ADCY5: variants seen among roughly 807,000 people sequenced by gnomAD.
ADCY5 encodes the protein adenylate cyclase 5, also known as adenylate cyclase type 5.
Under a neutral mutation model 119.7 loss-of-function variants are expected in ADCY5, and 30 were observed. That is an observed-to-expected ratio of 0.25 (90% CI 0.19 to 0.34). The LOEUF is 0.34. Ranked by LOEUF, ADCY5 falls within the 10% of genes least tolerant of loss-of-function variation. The pLI is 1.00. For missense variants in ADCY5, 1,324 were observed against 1,775.2 expected (o/e 0.75, Z 4.57); for synonymous variants, 753 against 762.2 (o/e 0.99, Z 0.20).
At chr3:123,376,926 G>C (rs1307480630) in intron 1 of ADCY5, among the ~76,000 whole-genome samples, 1 of 152,214 alleles carries the variant, frequency 6.6e-6, no homozygotes, top group East Asian at 1.9e-4. Context: ...TCCCCTGGGG[G>C]AAGCTGCATC....
intron 1 of ADCY5, among the ~76,000 whole-genome samples, chr3:123,415,607 C>T (rs1231530836): frequency 8.5e-5 from 13 of 152,166 alleles, no homozygotes; most frequent in Non-Finnish European, 2.9e-5. Flanking sequence ...TGTCCCACAG[C>T]GCCTCTGTGG....
At chr3:123,375,329 C>A (rs905241067) in intron 1 of ADCY5, among the ~76,000 whole-genome samples, 1 of 152,228 alleles carries the variant, frequency 6.6e-6, no homozygotes, top group East Asian at 1.9e-4. Context: ...CCTCAGTGGA[C>A]GACAAACAGA....
intron 1 of ADCY5, among the ~76,000 whole-genome samples, chr3:123,370,103 A>G (rs1943582266): frequency 6.6e-6 from 1 of 152,142 alleles, no homozygotes. Context: ...CTCAACCATT[A>G]TGATAGAAGA....
At chr3:123,324,687 T>C (rs1941388396) in intron 8 of ADCY5, among the ~76,000 whole-genome samples, 1 of 152,156 alleles carries the variant, frequency 6.6e-6, no homozygotes, top group Non-Finnish European at 1.5e-5. Context: ...ACATCCTGAA[T>C]TCACCTGTCC....
chr3:123,416,838 G>T (rs1187911800), intron 1 of ADCY5, among the ~76,000 whole-genome samples: 2 of 152,082 alleles, frequency 1.3e-5, no homozygotes, highest in African/African-American at 4.8e-5. Context: ...CTTGAGGGAG[G>T]TAATTAGGCT....
At chr3:123,438,292 A>G (rs191342396) in intron 1 of ADCY5, among the ~76,000 whole-genome samples, 87 of 152,250 alleles carry the variant, frequency 5.7e-4, no homozygotes, top group Non-Finnish European at 1.2e-3. Context: ...TACATATTAA[A>G]AGCTTTAATG....
At chr3:123,423,596 C>T (rs1945345769) in intron 1 of ADCY5, among the ~76,000 whole-genome samples, 2 of 152,160 alleles carry the variant, frequency 1.3e-5, no homozygotes. Context: ...AGTTCCCAAT[C>T]TGCTGAGGAC....
intron 3 of ADCY5, among the ~76,000 whole-genome samples, chr3:123,338,991 A>G (rs985190133): frequency 1.3e-5 from 2 of 152,136 alleles, no homozygotes; most frequent in Non-Finnish European, 1.5e-5. Flanking sequence ...AGCTCCTCTG[A>G]TCTCCTGCAG....
chr3:123,382,750 G>T (rs76267273), intron 1 of ADCY5, among the ~76,000 whole-genome samples: 1 of 152,124 alleles, frequency 6.6e-6, no homozygotes, highest in Non-Finnish European at 1.5e-5. Flanking sequence ...ACCAAAGGCT[G>T]GGGGGAGGAA....
Position 123,283,597 on chromosome 3 carries a change from A to C in ADCY5, c.*1011T>G, listed in dbSNP as rs2108139859. On this transcript the variant is annotated 3_prime_UTR_variant, in exon 21 of 21. Transcript: ENST00000462833. ...CACTGCTCTGGTGGTACCTTGGAAA[A>C]CCCAAAACTGCCAAATCTGAAATGA... is the stretch of plus-strand genomic sequence containing the variant. 1 of 152,064 alleles carries C rather than the reference A, an allele frequency of 6.6e-6. No individual in the cohort carries two copies. Among genetic ancestry groups the C allele is most frequent in the South Asian group, 2.1e-4 (1 of 4,802 alleles). The allele number at this position is 152,064 out of a possible 1,614,324, so 9.4% of individuals were successfully genotyped here.
At chr3:123,424,767 C>T (rs554237938) in intron 1 of ADCY5, among the ~76,000 whole-genome samples, 55 of 151,936 alleles carry the variant, frequency 3.6e-4, no homozygotes, top group African/African-American at 1.3e-3. Flanking sequence ...TGTGTGTGTG[C>T]GCGCATGCAC....
rs1559883416 is a variant in ADCY5, at chr3:123,448,407, C to CG, written c.138dup (p.Gly47ArgfsTer40). On this transcript the variant is annotated frameshift_variant, in exon 1 of 21. Transcript: ENST00000462833. LOFTEE classifies it high-confidence loss of function. ...TTGGTGGAGCCGCGGGCAGAGCCCC[C>CG]GGGGGCATGGGGGTAGCCATTCGCG... is the stretch of plus-strand genomic sequence containing the variant. 1.4e-6 allele frequency: 2 copies of CG among 1,414,990 alleles called. No individual in the cohort carries two copies. The highest frequency in any genetic ancestry group is 3.0e-5 in the East Asian group (1 of 33,030). 87.7% of individuals were successfully genotyped at this position (1,414,990 alleles called of 1,614,324 possible). A position where few individuals can be genotyped will look rare whatever the true frequency, so the allele number is the denominator to read the frequency against.
chr3:123,331,070 G>A lies in ADCY5; in HGVS notation c.1519-54C>T, dbSNP rs1941741156. ...AAAATAGTAGGAAAGAGAAGTGGGA[G>A]GGAAAGAAACGAGAAGCAAAAAGAT... On this transcript the variant is annotated intron_variant, in intron 4 of 20. Transcript: ENST00000462833. 1.6e-5 allele frequency: 25 copies of A among 1,567,290 alleles called. No homozygotes were observed. The South Asian group carries it at 2.8e-4, about 17-fold the overall frequency.
At chr3:123,406,936 G>A (rs547560193) in intron 1 of ADCY5, among the ~76,000 whole-genome samples, 1 of 152,284 alleles carries the variant, frequency 6.6e-6, no homozygotes, top group South Asian at 2.1e-4. Flanking sequence ...GCTCCTATGG[G>A]AATCCAGGAC....
chr3:123,448,504 C>T lies in ADCY5; in HGVS notation c.42G>A (p.Ala14=). The change falls in exon 1 of 21, where the codon GCG becomes GCA. Residue 14 remains alanine, a synonymous_variant. Transcript: ENST00000462833. The stretch of plus-strand genomic sequence containing the variant: ...GGGGCGCCGGCGCCGCAGTCTTCTG[C>T]GCCGCGTAGCCCGGGGGGCTCACGC... The part of the protein sequence containing the change: ...SKSVSPPGYA[A]QKTAAPAPRG... The T allele has an allele frequency of 7.9e-7, 1 of 1,271,580 alleles. No homozygotes were observed. The highest frequency in any genetic ancestry group is 4.2e-5 in the Admixed American group (1 of 23,848). 78.8% of individuals were successfully genotyped at this position (1,271,580 alleles called of 1,614,324 possible). A position where few individuals can be genotyped will look rare whatever the true frequency, so the allele number is the denominator to read the frequency against.
intron 10 of ADCY5, among the ~76,000 whole-genome samples, chr3:123,319,104 A>G (rs1941078062): frequency 1.3e-5 from 2 of 152,212 alleles, no homozygotes; most frequent in African/African-American, 4.8e-5. Flanking sequence ...CTGTAATCCT[A>G]GCATTTTGGG....
At position 123,328,703 on chromosome 3, in the gene ADCY5, G is replaced by A. The variant is rs772846059; in HGVS notation, c.1746C>T (p.Phe582=). 1.5e-5 allele frequency: 24 copies of A among 1,614,082 alleles called. No individual in the cohort carries two copies. The highest frequency in any genetic ancestry group is 1.6e-4 in the Middle Eastern group (1 of 6,084). Residue 582 remains phenylalanine, a synonymous_variant, in exon 6 of 21, where the codon TTC becomes TTT. Transcript: ENST00000462833. Reference sequence around the variant, plus strand: ...GCGTGACATCGTTAGACCAGACGTCGAACTGCCACTTCCTGAGACCAAGGA... The same window carrying A: ...GCGTGACATCGTTAGACCAGACGTCAAACTGCCACTTCCTGAGACCAAGGA... ...CGVLGLRKWQ[F]DVWSNDVTLA...
intron 3 of ADCY5, among the ~76,000 whole-genome samples, chr3:123,334,921 A>G (rs764233006): frequency 1.3e-5 from 2 of 152,178 alleles, no homozygotes; most frequent in East Asian, 1.9e-4. Context: ...TAACTGGAAC[A>G]TGGTACTCTT....
At chr3:123,376,274 C>T (rs535501666) in intron 1 of ADCY5, among the ~76,000 whole-genome samples, 31 of 146,358 alleles carry the variant, frequency 2.1e-4, no homozygotes, top group East Asian at 1.5e-3. Flanking sequence ...TCATCACCAT[C>T]GCTGCCATGA....
Sources: gnomAD v4.1 joint callset for allele counts (sites outside exome capture counted in the v4.1 genomes callset) on GRCh38, gnomAD v4.1.1 for gene constraint, MANE v1.5 for transcripts, NCBI Gene and HGNC (gene_info 2026-07-23, HGNC 2026-07-21) for gene names.